The following IFT56 variants were observed in gnomAD, a reference collection of about 807,000 sequenced individuals.
IFT56 encodes intraflagellar transport 56, also known as intraflagellar transport protein 56.
At chr7:139,190,431 G>C in the IFT56 span, 1 of 152,184 alleles carries the variant, frequency 6.6e-6, no homozygotes, top group Non-Finnish European at 1.5e-5. Context: ...ATTTTTAGTA[G>C]AGACGGGGTT....
At chr7:139,163,066 CG>C in the IFT56 span, among the ~76,000 whole-genome samples, 2 of 151,472 alleles carry the variant, frequency 1.3e-5, no homozygotes, top group African/African-American at 4.9e-5. Context: ...ATTGATAGGC[CG>C]GGTGCGGTGA....
At chr7:139,181,118 G>A in the IFT56 span, 2 of 1,611,498 alleles carry the variant, frequency 1.2e-6, no homozygotes, top group Non-Finnish European at 1.7e-6. Flanking sequence ...ACCAAGACTA[G>A]CCTGGGAACT....
the IFT56 span, among the ~76,000 whole-genome samples, chr7:139,162,447 C>G: frequency 6.6e-6 from 1 of 151,942 alleles, no homozygotes. Context: ...ATTTTTCTTT[C>G]ATAATACTTT....
chr7:139,172,463 C>T, the IFT56 span: 1,006 of 391,470 alleles, frequency 2.6e-3, 9 homozygotes, highest in African/African-American at 0.019. Flanking sequence ...ATCTGGAACC[C>T]AGAGCGCTGA....
the IFT56 span, chr7:139,160,881 G>A: frequency 1.8e-6 from 2 of 1,139,644 alleles, no homozygotes; most frequent in Non-Finnish European, 2.6e-6. Flanking sequence ...ATAAACCATT[G>A]TGTCAATATG....
chr7:139,141,448 T>A, the IFT56 span, among the ~76,000 whole-genome samples: 2 of 152,154 alleles, frequency 1.3e-5, no homozygotes, highest in African/African-American at 4.8e-5. Context: ...TCTTGATTTG[T>A]ACCCAAATTA....
At chr7:139,145,708 C>T in the IFT56 span, among the ~76,000 whole-genome samples, 1 of 151,732 alleles carries the variant, frequency 6.6e-6, no homozygotes, top group Non-Finnish European at 1.5e-5. Flanking sequence ...GAGCCACTGC[C>T]CCTGCCCCTT....
At chr7:139,142,608 T>C in the IFT56 span, among the ~76,000 whole-genome samples, 1 of 152,146 alleles carries the variant, frequency 6.6e-6, no homozygotes, top group Non-Finnish European at 1.5e-5. Context: ...AGCGGGCGGA[T>C]CATCTGAAGT....
the IFT56 span, among the ~76,000 whole-genome samples, chr7:139,136,217 G>A: frequency 1.3e-5 from 2 of 152,182 alleles, no homozygotes; most frequent in African/African-American, 4.8e-5. Context: ...GGGCCACCGC[G>A]CCCGGCCTAG....
At chr7:139,178,537 TCTTTAA>T in the IFT56 span, 5 of 1,614,128 alleles carry the variant, frequency 3.1e-6, no homozygotes, top group Non-Finnish European at 4.2e-6. Context: ...AATGATGACA[TCTTTAA>T]CTTTAATTAT....
chr7:139,142,614 G>A, the IFT56 span, among the ~76,000 whole-genome samples: 1 of 152,212 alleles, frequency 6.6e-6, no homozygotes, highest in Non-Finnish European at 1.5e-5. Context: ...CGGATCATCT[G>A]AAGTCAGGAG....
At chr7:139,177,630 G>GTGTGTGTGTGTA in the IFT56 span, among the ~76,000 whole-genome samples, 93 of 150,910 alleles carry the variant, frequency 6.2e-4, no homozygotes, top group African/African-American at 2.1e-3. Context: ...GTGTGTGTGT[G>GTGTGTGTGTGTA]TATATATATC....
chr7:139,189,382 A>G, the IFT56 span: 5 of 1,613,790 alleles, frequency 3.1e-6, no homozygotes, highest in Non-Finnish European at 4.2e-6. Context: ...AGTAGAATAC[A>G]TGATCCGGAT....
At chr7:139,187,353 T>C in the IFT56 span, 3 of 1,596,078 alleles carry the variant, frequency 1.9e-6, no homozygotes, top group Non-Finnish European at 2.6e-6. Flanking sequence ...GTTCAGGTTC[T>C]TTCTGTGCAA....
chr7:139,178,703 C>T, the IFT56 span: 2 of 1,036,096 alleles, frequency 1.9e-6, no homozygotes, highest in East Asian at 2.5e-5. Context: ...ATTAAAGATT[C>T]CTCTGTTCTT....
At chr7:139,177,955 C>T in the IFT56 span, among the ~76,000 whole-genome samples, 5 of 151,952 alleles carry the variant, frequency 3.3e-5, no homozygotes, top group Non-Finnish European at 5.9e-5. Flanking sequence ...TGGGTAATGT[C>T]GTAGTTAATG....
the IFT56 span, among the ~76,000 whole-genome samples, chr7:139,184,412 C>A: frequency 6.6e-6 from 1 of 152,178 alleles, no homozygotes; most frequent in Non-Finnish European, 1.5e-5. Context: ...CAGGGAATAA[C>A]AAGGACATTA....
the IFT56 span, chr7:139,134,520 C>T: frequency 4.4e-6 from 4 of 907,200 alleles, no homozygotes; most frequent in Admixed American, 6.4e-5. Flanking sequence ...CCGCCGCCTT[C>T]GCCTCTCAAA....
At chr7:139,158,124 G>A in the IFT56 span, among the ~76,000 whole-genome samples, 1 of 151,980 alleles carries the variant, frequency 6.6e-6, no homozygotes, top group African/African-American at 2.4e-5. Context: ...CACCAGCCTG[G>A]CCAACATGGT....
Sources: allele counts gnomAD v4.1 joint callset (sites outside exome capture counted in the v4.1 genomes callset), GRCh38; gene constraint gnomAD v4.1.1; transcripts MANE v1.5; gene names NCBI Gene and HGNC (gene_info 2026-07-23, HGNC 2026-07-21).